The following IQCK variants were observed in gnomAD, a reference collection of about 807,000 sequenced individuals.
IQCK encodes the protein IQ domain-containing protein K.
IQCK carries 29 observed loss-of-function variants against 28.1 expected under a neutral mutation model. That is an observed-to-expected ratio of 1.03 (90% CI 0.77 to 1.41). The LOEUF (loss-of-function observed/expected upper bound fraction) is 1.41, where lower values mean the gene tolerates loss of function less well. Ranked by LOEUF, IQCK falls within the 40% of genes most tolerant of loss-of-function variation. The pLI is 0.00. For synonymous variants in IQCK, 113 were observed against 115.1 expected, an observed-to-expected ratio of 0.98 and a Z score of 0.12; for missense variants, 359 against 314.7, an observed-to-expected ratio of 1.14 and a Z score of -1.07.
At chr16:19,776,107 C>T (rs2055390770) in intron 6 of IQCK, among the ~76,000 whole-genome samples, 1 of 151,970 alleles carries the variant, frequency 6.6e-6, no homozygotes, top group Non-Finnish European at 1.5e-5. Context: ...TCATGAACTC[C>T]TGACCTCAGG....
intron 9 of IQCK, among the ~76,000 whole-genome samples, chr16:19,839,836 T>TA (rs1024754545): frequency 6.6e-6 from 1 of 151,082 alleles, no homozygotes; most frequent in Non-Finnish European, 1.5e-5. Context: ...ACTAAAAAAA[T>TA]AAAAAATAAA....
At chr16:19,750,668 G>C (rs939975458) in intron 4 of IQCK, among the ~76,000 whole-genome samples, 1 of 151,588 alleles carries the variant, frequency 6.6e-6, no homozygotes, top group Non-Finnish European at 1.5e-5. Context: ...CACCATGTTG[G>C]CCAGGCTGGT....
chr16:19,760,642 T>C (rs2151706716), intron 4 of IQCK, among the ~76,000 whole-genome samples: 1 of 152,280 alleles, frequency 6.6e-6, no homozygotes, highest in African/African-American at 2.4e-5. Flanking sequence ...TTCTCTGATC[T>C]CCTGCTGGTC....
chr16:19,809,519 C>G lies in IQCK; in HGVS notation c.691-17507C>G, dbSNP rs535386833. Among the ~76,000 whole-genome samples the G allele has an allele frequency of 5.8e-4, 89 of 152,284 alleles. No homozygotes were observed. The Middle Eastern group carries it at 0.01, about 17-fold the overall frequency. On this transcript the variant is annotated intron_variant, in intron 7 of 7. Coordinates refer to ENST00000564186, the Ensembl canonical transcript of IQCK. ...CAGCTTCCTTAAATTGTAGCAGATACAATCCAGGGGACAAAAACAAAAACT... is the reference window on the plus strand; with the variant it reads ...CAGCTTCCTTAAATTGTAGCAGATAGAATCCAGGGGACAAAAACAAAAACT...
rs529577596 is a variant in IQCK, at chr16:19,737,967, T to A, written c.474+2517T>A. Among the ~76,000 whole-genome samples the A allele has an allele frequency of 2.0e-5, 3 of 152,324 alleles. No individual in the cohort carries two copies. In the East Asian group the frequency reaches 5.8e-4, roughly 29 times the overall value. Reference sequence around the variant, plus strand: ...CCTGCTGGGCTCAAACTAGAAGTAATTGATCCCAACTCTCAGATTTCAGAG... The same window carrying A: ...CCTGCTGGGCTCAAACTAGAAGTAAATGATCCCAACTCTCAGATTTCAGAG... On this transcript the variant is annotated intron_variant, in intron 4 of 7. Coordinates refer to ENST00000564186, the Ensembl canonical transcript of IQCK.
At chr16:19,746,162 A>T (rs1418009879) in intron 4 of IQCK, among the ~76,000 whole-genome samples, 5 of 145,470 alleles carry the variant, frequency 3.4e-5, no homozygotes, top group Non-Finnish European at 7.4e-5. Context: ...TCAAAAAAAA[A>T]AAAAAAAAAA....
At chr16:19,829,753 T>C (rs2056204880), downstream of IQCK, among the ~76,000 whole-genome samples, 1 of 152,230 alleles carries the variant, frequency 6.6e-6, no homozygotes, top group Non-Finnish European at 1.5e-5. Context: ...GTCCCGCTGA[T>C]GCTTGACTGT....
At chr16:19,792,696 C>T (rs193206957) in intron 7 of IQCK, among the ~76,000 whole-genome samples, 7 of 108,020 alleles carry the variant, frequency 6.5e-5, no homozygotes, top group South Asian at 2.9e-4. Context: ...CTCAGCCTAC[C>T]GAGTAGGTGG....
At chr16:19,749,128 A>C (rs1262038412) in intron 4 of IQCK, among the ~76,000 whole-genome samples, 1 of 152,224 alleles carries the variant, frequency 6.6e-6, no homozygotes, top group East Asian at 1.9e-4. Flanking sequence ...GATCCAAAAG[A>C]TGTTTCAACT....
intron 7 of IQCK, among the ~76,000 whole-genome samples, chr16:19,816,441 C>T (rs539572303): frequency 6.6e-6 from 1 of 152,234 alleles, no homozygotes; most frequent in African/African-American, 2.4e-5. Context: ...GCCACCACAC[C>T]CAGATAATTT....
At chr16:19,778,962 A>G (rs1378068976) in intron 6 of IQCK, among the ~76,000 whole-genome samples, 1 of 152,170 alleles carries the variant, frequency 6.6e-6, no homozygotes, top group Admixed American at 6.5e-5. Flanking sequence ...AAATTACCAC[A>G]AAGTTGGTGC....
At chr16:19,831,858 T>G (rs550402551), downstream of IQCK, among the ~76,000 whole-genome samples, 14 of 152,092 alleles carry the variant, frequency 9.2e-5, no homozygotes, top group Non-Finnish European at 1.6e-4. Context: ...TGTGGTCATA[T>G]ATAGCCTGTC....
chr16:19,757,210 G>A (rs921254062), intron 4 of IQCK, among the ~76,000 whole-genome samples: 3 of 152,092 alleles, frequency 2.0e-5, no homozygotes, highest in Non-Finnish European at 4.4e-5. Flanking sequence ...CACAGCATGT[G>A]CTTTTGACTT....
intron 6 of IQCK, among the ~76,000 whole-genome samples, chr16:19,765,654 TA>T (rs1186350047): frequency 1.3e-5 from 2 of 152,214 alleles, no homozygotes; most frequent in Non-Finnish European, 2.9e-5. Context: ...TTGAGAATTT[TA>T]AAAACCCCAG....
At chr16:19,745,868 C>T (rs1260502117) in intron 4 of IQCK, among the ~76,000 whole-genome samples, 1 of 152,160 alleles carries the variant, frequency 6.6e-6, no homozygotes, top group Non-Finnish European at 1.5e-5. Flanking sequence ...CTTCGGTTCT[C>T]CTTCATGTGG....
At position 19,735,477 on chromosome 16, in the gene IQCK, T is replaced by G. The variant is rs1206871830; in HGVS notation, c.474+27T>G. On this transcript the variant is annotated intron_variant, in intron 4 of 7. Coordinates refer to ENST00000564186, the Ensembl canonical transcript of IQCK. Reference sequence around the variant, plus strand: ...TCAGTTGTTTGGCAGGATTTCTTTATTTTGAGATTCTCAATCATTCATTAT... The same window carrying G: ...TCAGTTGTTTGGCAGGATTTCTTTAGTTTGAGATTCTCAATCATTCATTAT... The G allele has an allele frequency of 1.5e-5, 23 of 1,486,620 alleles. No individual in the cohort carries two copies. In the Admixed American group the frequency reaches 3.8e-4, roughly 25 times the overall value. The allele number at this position is 1,486,620 out of a possible 1,614,324, so 92.1% of individuals were successfully genotyped here.
intron 4 of IQCK, among the ~76,000 whole-genome samples, chr16:19,741,944 A>G (rs1176249163): frequency 6.6e-6 from 1 of 152,160 alleles, no homozygotes; most frequent in African/African-American, 2.4e-5. Context: ...CCAAGATCTC[A>G]TCACTGCAGT....
At chr16:19,849,614 T>A (rs1018663657) in intron 9 of IQCK, among the ~76,000 whole-genome samples, 2 of 150,920 alleles carry the variant, frequency 1.3e-5, no homozygotes, top group Non-Finnish European at 3.0e-5. Flanking sequence ...GTAAAAAAAA[T>A]ATTCGGGCAT....
chr16:19,778,313 T>TCCTGTGGGCTC (rs1294577727), intron 6 of IQCK, among the ~76,000 whole-genome samples: 1 of 152,098 alleles, frequency 6.6e-6, no homozygotes, highest in Non-Finnish European at 1.5e-5. Flanking sequence ...TAAGCCCTTA[T>TCCTGTGGGCTC]CCTGTGGGCT....
Sources: allele counts gnomAD v4.1 joint callset (sites outside exome capture counted in the v4.1 genomes callset), GRCh38; gene constraint gnomAD v4.1.1; transcripts MANE v1.5; gene names NCBI Gene and HGNC (gene_info 2026-07-23, HGNC 2026-07-21).